The following GABRD variants were observed in gnomAD, a reference collection of about 807,000 sequenced individuals.
The protein encoded by GABRD is gamma-aminobutyric acid type A receptor subunit delta, also known as gamma-aminobutyric acid receptor subunit delta.
GABRD carries 25 observed loss-of-function variants against 47.3 expected under a neutral mutation model. That is an observed-to-expected ratio of 0.53 (90% CI 0.39 to 0.74). The LOEUF (loss-of-function observed/expected upper bound fraction) is 0.74, where lower values mean the gene tolerates loss of function less well. GABRD is among the 30% of genes least tolerant of loss of function. GABRD has a pLI of 0.00. For synonymous variants in GABRD, 314 were observed against 278.8 expected, an observed-to-expected ratio of 1.13 and a Z score of -1.26; for missense variants, 497 against 643.4, an observed-to-expected ratio of 0.77 and a Z score of 2.46.
At chr1:2,025,494 C>A in intron 3 of GABRD, 24 bp from the exon 4 acceptor site, 1 of 1,612,208 alleles carries the variant, frequency 6.2e-7, no homozygotes, top group South Asian at 1.1e-5. Context: ...AGGCTGACCC[C>A]CGGCCCCTGT....
intron 4 of GABRD, 82 bp downstream of exon 4, chr1:2,025,820 A>G (rs1658908421): frequency 2.3e-6 from 3 of 1,316,682 alleles, no homozygotes; most frequent in South Asian, 1.3e-5. Flanking sequence ...AGGCTTGGAA[A>G]AGCTCGAGCG....
At chr1:2,020,554 G>A (rs951568394) in intron 1 of GABRD, among the ~76,000 whole-genome samples, 12 of 152,220 alleles carry the variant, frequency 7.9e-5, no homozygotes, top group African/African-American at 2.4e-4. Context: ...AGGAGACCGC[G>A]GGGTCGGCAC....
rs1217629690 is a variant in GABRD at position 2,028,376 on chromosome 1, C to T, written c.691+84C>T. 8 of 1,317,106 alleles carry T rather than the reference C, an allele frequency of 6.1e-6. No homozygotes were observed. 81.6% of individuals were successfully genotyped at this position (1,317,106 alleles called of 1,614,324 possible). On this transcript the variant is annotated intron_variant, in intron 6 of 8. Coordinates refer to ENST00000378585, the MANE Select transcript of GABRD (RefSeq NM_000815.5). This position sits in a 1 kb window ranked among gnomAD's most constrained non-coding sequence, Gnocchi z 6.4. ...CCGCCCCTTCCGCGCGCGCCCACCGCCCCTTCCGCGTGCGCCCGCCTGTGG... is the reference window on the plus strand; with the variant it reads ...CCGCCCCTTCCGCGCGCGCCCACCGTCCCTTCCGCGTGCGCCCGCCTGTGG...
intron 1 of GABRD, among the ~76,000 whole-genome samples, chr1:2,021,835 C>T (rs750120822): frequency 3.3e-5 from 5 of 152,178 alleles, no homozygotes; most frequent in African/African-American, 9.7e-5. Flanking sequence ...GCTGGGTGTG[C>T]GCCGTGGAGA....
chr1:2,029,046 C>T, intron 6 of GABRD, 65 bp from the exon 7 acceptor site: 1 of 1,530,874 alleles, frequency 6.5e-7, no homozygotes, highest in Non-Finnish European at 8.7e-7. Context: ...CCCTGCAGCC[C>T]CTGAGTCCCA....
intron 1 of GABRD, among the ~76,000 whole-genome samples, chr1:2,022,708 T>C (rs1015107634): frequency 2.0e-5 from 3 of 152,266 alleles, no homozygotes; most frequent in Admixed American, 1.3e-4. Context: ...TTCCATCTTA[T>C]ACTTTGTTAC....
intron 2 of GABRD, 127 bp downstream of exon 2, chr1:2,025,181 A>G: frequency 4.8e-6 from 6 of 1,254,802 alleles, no homozygotes; most frequent in Non-Finnish European, 6.8e-6. Context: ...GGGGGGCTCC[A>G]TCAGAGCCAG....
intron 1 of GABRD, among the ~76,000 whole-genome samples, chr1:2,022,811 A>G (rs1658817185): frequency 6.6e-6 from 1 of 152,196 alleles, no homozygotes; most frequent in South Asian, 2.1e-4. Flanking sequence ...GCAGCCCTGG[A>G]TGCTGCCTCC....
At position 2,030,240 on chromosome 1, in the gene GABRD, T is replaced by G. The variant is rs1359495553; in HGVS notation, c.1317T>G (p.Phe439Leu). ...IYARAVFPAA[F>L]AAVNVIYWAA... is the part of the protein sequence containing the mutation. ...CCCGCGCTGTGTTCCCTGCGGCGTT[T>G]GCGGCCGTCAATGTCATCTACTGGG... The change falls in exon 9 of 9, where the codon TTT becomes TTG. Residue 439 changes from phenylalanine to leucine, a missense_variant. By Grantham distance (22) the Phe-to-Leu change is conservative (BLOSUM62 0). Transcript: ENST00000378585. 6.4e-7 allele frequency: 1 copy of G among 1,562,980 alleles called. No individual in the cohort carries two copies. Among genetic ancestry groups the G allele is most frequent in the Non-Finnish European group, 8.7e-7 (1 of 1,150,426 alleles).
rs755961495 is a variant in GABRD, at chr1:2,030,036, G to A, written c.1113G>A (p.Thr371=). ...VLFSLSAAGV[T]QELAISRRQR... The stretch of plus-strand genomic sequence containing the variant: ...TCTCCCTCTCTGCTGCCGGCGTCAC[G>A]CAGGAGCTGGCCATCTCCCGCCGGC... Residue 371 remains threonine (T), a synonymous_variant, in exon 9 of 9, where the codon ACG becomes ACA. Coordinates refer to ENST00000378585, the MANE Select transcript of GABRD (RefSeq NM_000815.5). The A allele has an allele frequency of 5.7e-5, 92 of 1,612,430 alleles. No individual in the cohort carries two copies. In the Admixed American group the frequency reaches 1.3e-3, roughly 22 times the overall value.
chr1:2,025,810 A>C, intron 4 of GABRD, 72 bp downstream of exon 4: 1 of 1,412,108 alleles, frequency 7.1e-7, no homozygotes, highest in Non-Finnish European at 9.8e-7. Flanking sequence ...GGACGCTCCA[A>C]GGCTTGGAAA....
chr1:2,029,749 G>C lies in GABRD; in HGVS notation c.1046G>C (p.Arg349Thr). 1 of 1,613,002 alleles carries C rather than the reference G, an allele frequency of 6.2e-7. No individual in the cohort carries two copies. The highest frequency in any genetic ancestry group is 8.5e-7 in the Non-Finnish European group (1 of 1,179,928). ...CAGAAGGCCAAGGTCAAGGTCTCCAGGCCGAGGGCAGAGGTGAGGGCCTGG... is the reference window on the plus strand; with the variant it reads ...CAGAAGGCCAAGGTCAAGGTCTCCACGCCGAGGGCAGAGGTGAGGGCCTGG... ...KKQKAKVKVS[R>T]PRAEMDVRNA... Residue 349 changes from arginine (R) to threonine (T), a missense_variant, in exon 8 of 9, where the codon AGG becomes ACG. Arg to Thr is a moderately conservative substitution (Grantham distance 71, BLOSUM62 -1). This residue lies in a region of GABRD where 285 missense variants were observed against 436.6 expected (regional missense o/e 0.65). Coordinates refer to ENST00000378585, the MANE Select transcript of GABRD (RefSeq NM_000815.5).
intron 1 of GABRD, 49 bp downstream of exon 1, chr1:2,019,540 C>A: frequency 9.4e-7 from 1 of 1,059,582 alleles, no homozygotes; most frequent in Non-Finnish European, 1.2e-6. Flanking sequence ...GGTGGGGGGC[C>A]CGCGTCGGCC....
intron 1 of GABRD, among the ~76,000 whole-genome samples, chr1:2,020,153 A>G (rs903025780): frequency 6.6e-6 from 1 of 152,184 alleles, no homozygotes; most frequent in African/African-American, 2.4e-5. Context: ...GAGAAGGAAG[A>G]GGCTGAGAAG....
In GABRD at chr1:2,019,351, C is replaced by A. The variant is rs1274389876; in HGVS notation, c.-73C>A. 1.3e-5 allele frequency: 11 copies of A among 854,474 alleles called. No homozygotes were observed. Among genetic ancestry groups the A allele is most frequent in the Non-Finnish European group, 1.5e-5 (11 of 710,294 alleles). The allele number at this position is 854,474 out of a possible 1,614,324, so 52.9% of individuals were successfully genotyped here. A position where few individuals can be genotyped will look rare whatever the true frequency, so the allele number is the denominator to read the frequency against. ...GCCCGCGCCGCGCTCGCTCAGCTCC[C>A]GCCCGCCTGTGCCGCCTGTGCGGCC... On this transcript the variant is annotated 5_prime_UTR_variant, in exon 1 of 9. Transcript: ENST00000378585.
In GABRD at chr1:2,028,562, A is replaced by C. The variant is rs1333778587; in HGVS notation, c.691+270A>C. Among the ~76,000 whole-genome samples the C allele has an allele frequency of 3.3e-5, 5 of 151,142 alleles. No homozygotes were observed. The South Asian group carries it at 8.4e-4, about 25-fold the overall frequency. ...GGCGTGGGTCAGGCCTTCCCATCTC[A>C]CTCCTTGGTCCTTTCTCTCTTCCCA... On this transcript the variant is annotated intron_variant, in intron 6 of 8. Transcript: ENST00000378585. The surrounding 1 kb of genome is among the most constrained non-coding windows in gnomAD (Gnocchi z 6.4).
rs1187294093 is a variant in GABRD, at chr1:2,028,560, T to G, written c.691+268T>G. ...TGGGCGTGGGTCAGGCCTTCCCATCTCACTCCTTGGTCCTTTCTCTCTTCC... is the reference window on the plus strand; with the variant it reads ...TGGGCGTGGGTCAGGCCTTCCCATCGCACTCCTTGGTCCTTTCTCTCTTCC... On this transcript the variant is annotated intron_variant, in intron 6 of 8. Coordinates refer to ENST00000378585, the MANE Select transcript of GABRD (RefSeq NM_000815.5). This position sits in a 1 kb window ranked among gnomAD's most constrained non-coding sequence, Gnocchi z 6.4. Among the ~76,000 whole-genome samples, 1 of 152,130 alleles carries G rather than the reference T, an allele frequency of 6.6e-6. No homozygotes were observed. The highest frequency in any genetic ancestry group is 2.4e-5 in the African/African-American group (1 of 41,440).
At chr1:2,025,277 C>T (rs183259553) in intron 2 of GABRD, 57 bp from the exon 3 acceptor site, 158 of 1,595,890 alleles carry the variant, frequency 9.9e-5, no homozygotes, top group Non-Finnish European at 1.1e-4. Context: ...AGGGTCCCAT[C>T]GTGGCTCCCA....
rs369718368 is a variant in GABRD at position 2,028,339 on chromosome 1, C to T, written c.691+47C>T. ...TTCCGCATGTGCCCGCCGCCCCTTC[C>T]GCGCGCGCCCACCGCCCCTTCCGCG... is the stretch of plus-strand genomic sequence containing the variant. On this transcript the variant is annotated intron_variant, in intron 6 of 8. Transcript: ENST00000378585. The surrounding 1 kb of genome is among the most constrained non-coding windows in gnomAD (Gnocchi z 6.4). 6.5e-4 allele frequency: 1,010 copies of T among 1,551,464 alleles called. 2 individuals carry two copies. The highest frequency in any genetic ancestry group is 8.1e-4 in the Non-Finnish European group (924 of 1,145,622).
Sources: allele counts gnomAD v4.1 joint callset (sites outside exome capture counted in the v4.1 genomes callset), GRCh38; gene constraint gnomAD v4.1.1; regional missense constraint gnomAD v4.1.1; non-coding constraint Gnocchi (gnomAD v3.1); transcripts MANE v1.5; gene names NCBI Gene and HGNC (gene_info 2026-07-23, HGNC 2026-07-21).